Variants in TXLNB observed in about 807,000 individuals in gnomAD.
TXLNB encodes the protein taxilin beta.
In TXLNB, 37 loss-of-function variants were observed where a neutral mutation model predicts 57.4. The observed-to-expected ratio is 0.64, with a 90% confidence interval of 0.50 to 0.85. The LOEUF is 0.85. TXLNB is among the 40% of genes least tolerant of loss of function. TXLNB has a pLI of 0.00. For missense variants in TXLNB, 848 were observed against 825.6 expected (o/e 1.03, Z -0.33); for synonymous variants, 302 against 309.6 (o/e 0.98, Z 0.26).
At chr6:139,230,720 G>T in the TXLNB span, among the ~76,000 whole-genome samples, 4 of 152,180 alleles carry the variant, frequency 2.6e-5, no homozygotes, top group African/African-American at 9.7e-5. Flanking sequence ...TTCATGAATA[G>T]CTGACACTAT....
chr6:139,283,222 C>T (rs996631645), intron 2 of TXLNB: 1 of 140,714 alleles, frequency 7.1e-6, no homozygotes, highest in Non-Finnish European at 1.6e-5. Context: ...AAAAGAAGTC[C>T]TGGGAGCTTA....
At chr6:139,286,325 C>T (rs1056591546) in intron 2 of TXLNB, among the ~76,000 whole-genome samples, 18 of 150,370 alleles carry the variant, frequency 1.2e-4, no homozygotes, top group Admixed American at 6.6e-4. Context: ...AGCTTTGTCT[C>T]TGCTTATTCC....
At chr6:139,250,533 C>T (rs1020188770) in intron 7 of TXLNB, among the ~76,000 whole-genome samples, 1 of 151,934 alleles carries the variant, frequency 6.6e-6, no homozygotes, top group Non-Finnish European at 1.5e-5. Context: ...GGAACAACTA[C>T]CCCCAGCAGA....
intron 6 of TXLNB, 84 bp from the exon 7 acceptor site, chr6:139,255,722 G>C: frequency 9.5e-7 from 1 of 1,049,162 alleles, no homozygotes; most frequent in Non-Finnish European, 1.4e-6. Context: ...ACAAAACTTA[G>C]CAACCTGCTC....
intron 6 of TXLNB, among the ~76,000 whole-genome samples, chr6:139,256,732 T>A (rs1287105685): frequency 6.6e-6 from 1 of 152,246 alleles, no homozygotes; most frequent in Non-Finnish European, 1.5e-5. Context: ...TTGGTCTTTG[T>A]CCCTGATTCC....
chr6:139,275,346 C>T (rs111946022), intron 3 of TXLNB, among the ~76,000 whole-genome samples: 38 of 152,164 alleles, frequency 2.5e-4, no homozygotes, highest in African/African-American at 8.2e-4. Context: ...TGGAAAAATG[C>T]CTGTCACGTA....
chr6:139,303,006 C>T, the TXLNB span, among the ~76,000 whole-genome samples: 3 of 152,122 alleles, frequency 2.0e-5, no homozygotes, highest in South Asian at 6.2e-4. Context: ...TTGACACATT[C>T]TGCTTATTTT....
the TXLNB span, chr6:139,178,757 G>A: frequency 6.6e-6 from 1 of 151,992 alleles, no homozygotes; most frequent in Non-Finnish European, 1.5e-5. Flanking sequence ...TGTATTTTTA[G>A]TAGAGACAGC....
the TXLNB span, among the ~76,000 whole-genome samples, chr6:139,233,881 G>A: frequency 6.6e-6 from 1 of 152,140 alleles, no homozygotes; most frequent in African/African-American, 2.4e-5. Context: ...CAGTTTGGAG[G>A]GCTCGGAAGA....
At chr6:139,191,776 G>GTT in the TXLNB span, among the ~76,000 whole-genome samples, 8 of 152,182 alleles carry the variant, frequency 5.3e-5, no homozygotes, top group Non-Finnish European at 1.0e-4. Context: ...AGGGAGTTGT[G>GTT]TTGAGTTCAT....
chr6:139,249,098 A>G (rs1405846488), intron 7 of TXLNB, among the ~76,000 whole-genome samples: 1 of 152,244 alleles, frequency 6.6e-6, no homozygotes, highest in African/African-American at 2.4e-5. Context: ...AGCATTTGCC[A>G]AGTGTATGGC....
the TXLNB span, among the ~76,000 whole-genome samples, chr6:139,228,574 A>G: frequency 4.0e-5 from 6 of 151,674 alleles, no homozygotes; most frequent in Non-Finnish European, 7.4e-5. Context: ...AAAAAGACCA[A>G]CATGTTCCAG....
At chr6:139,239,851 G>GTCTCTCTCTCTGTC (rs150340316), downstream of TXLNB, among the ~76,000 whole-genome samples, 1 of 150,804 alleles carries the variant, frequency 6.6e-6, no homozygotes, top group African/African-American at 2.5e-5. This position sits in a 1 kb window ranked among gnomAD's most constrained non-coding sequence, Gnocchi z 4.7. Context: ...TTCTCTCTCT[G>GTCTCTCTCTCTGTC]TCTCTCTCTG....
Position 139,242,610 on chromosome 6 carries a change from T to G in TXLNB, c.1971A>C (p.Ala657=). 1.3e-6 allele frequency: 2 copies of G among 1,587,432 alleles called. No homozygotes were observed. Among genetic ancestry groups the G allele is most frequent in the Non-Finnish European group, 1.7e-6 (2 of 1,168,026 alleles). The change falls in exon 10 of 10, where the codon GCA becomes GCC. Residue 657 remains alanine, a synonymous_variant. Coordinates refer to ENST00000358430, the MANE Select transcript of TXLNB (RefSeq NM_153235.4). The part of the protein sequence containing the change: ...ACEPSRQPPR[A]AAEELPVGAS... ...CCCCTACTGGCAGCTCCTCTGCTGCTGCTCGTGGGGGCTGCCTACTGGGCT... is the reference window on the plus strand; with the variant it reads ...CCCCTACTGGCAGCTCCTCTGCTGCGGCTCGTGGGGGCTGCCTACTGGGCT...
the TXLNB span, among the ~76,000 whole-genome samples, chr6:139,186,831 A>G: frequency 2.0e-5 from 3 of 152,352 alleles, no homozygotes; most frequent in South Asian, 6.2e-4. Flanking sequence ...GGACCTCAAA[A>G]TAATTAAAGT....
the TXLNB span, among the ~76,000 whole-genome samples, chr6:139,219,682 G>T: frequency 2.6e-5 from 4 of 152,212 alleles, no homozygotes; most frequent in Non-Finnish European, 5.9e-5. Flanking sequence ...GCAGCTGGGA[G>T]GCTGAGACGG....
the TXLNB span, among the ~76,000 whole-genome samples, chr6:139,173,353 A>G: frequency 6.6e-6 from 1 of 152,198 alleles, no homozygotes; most frequent in African/African-American, 2.4e-5. Flanking sequence ...TGACTAAGAC[A>G]TGGTTCTTGC....
chr6:139,279,878 T>G (rs573900574), intron 2 of TXLNB, among the ~76,000 whole-genome samples: 171 of 152,266 alleles, frequency 1.1e-3, no homozygotes, highest in African/African-American at 3.9e-3. Flanking sequence ...GAAGTCTACA[T>G]GAAAGTGGAA....
chr6:139,293,486 G>A (rs766792605), upstream of TXLNB, among the ~76,000 whole-genome samples: 169 of 152,180 alleles, frequency 1.1e-3, no homozygotes, highest in Admixed American at 2.4e-3. Flanking sequence ...GCTTCTAGAA[G>A]CTGGGAAAGG....
Sources: allele counts gnomAD v4.1 joint callset (sites outside exome capture counted in the v4.1 genomes callset), GRCh38; gene constraint gnomAD v4.1.1; non-coding constraint Gnocchi (gnomAD v3.1); transcripts MANE v1.5; gene names NCBI Gene and HGNC (gene_info 2026-07-23, HGNC 2026-07-21).